NF1: variants seen among roughly 807,000 people sequenced by gnomAD.
NF1 encodes neurofibromin 1.
NF1 carries 122 observed loss-of-function variants against 325.7 expected under a neutral mutation model. The observed-to-expected ratio is 0.37, with a 90% CI of 0.32 to 0.44. The LOEUF is 0.44. NF1 is among the 20% of genes least tolerant of loss of function. The pLI is 1.00. For synonymous variants in NF1, 1,091 were observed against 1,186.0 expected (o/e 0.92, Z 1.65); for missense variants, 2,140 against 3,415.4 (o/e 0.63, Z 9.31).
chr17:31,181,824 T>TTTTAAA, intron 7 of NF1, 39 bp downstream of exon 7: 1 of 1,335,956 alleles, frequency 7.5e-7, no homozygotes, highest in Non-Finnish European at 1.1e-6. Flanking sequence ...TTTTGTCTTT[T>TTTTAAA]AAATGCCTAC....
rs17878625 is a variant in NF1 at position 31,332,485 on chromosome 17, A to AAATG, written c.5812+2003_5812+2006dup. 5.8e-3 allele frequency among the ~76,000 whole-genome samples: 876 copies of AAATG among 151,974 alleles called. 12 individuals carry two copies. The highest frequency in any genetic ancestry group is 0.02 in the African/African-American group (813 of 41,268). Reference sequence around the variant, plus strand: ...TCTCAAAATAAATAAATGAATGAATAAATGAATGAATGAATGAATAAAATC... The same window carrying AAATG: ...TCTCAAAATAAATAAATGAATGAATAAATGAATGAATGAATGAATGAATAAAATC... On this transcript the variant is annotated intron_variant, in intron 39 of 57. Coordinates refer to ENST00000358273, the MANE Select transcript of NF1 (RefSeq NM_001042492.3).
chr17:31,273,188 T>C (rs1374725313), intron 36 of NF1, among the ~76,000 whole-genome samples: 1 of 152,198 alleles, frequency 6.6e-6, no homozygotes, highest in Non-Finnish European at 1.5e-5. Flanking sequence ...TCTCATGACC[T>C]TTATTCCAAC....
At chr17:31,101,905 A>G (rs556159052) in intron 1 of NF1, among the ~76,000 whole-genome samples, 1 of 152,272 alleles carries the variant, frequency 6.6e-6, no homozygotes, top group East Asian at 1.9e-4. Context: ...ACTTTCTGAA[A>G]AGCAAAGAAC....
At chr17:31,103,226 T>G (rs1912522828) in intron 1 of NF1, among the ~76,000 whole-genome samples, 1 of 152,180 alleles carries the variant, frequency 6.6e-6, no homozygotes, top group African/African-American at 2.4e-5. Flanking sequence ...AATTAGATTC[T>G]TTTCTCAAAT....
chr17:31,202,171 T>A (rs1211457222), intron 11 of NF1, among the ~76,000 whole-genome samples: 3 of 152,208 alleles, frequency 2.0e-5, no homozygotes, highest in Non-Finnish European at 2.9e-5. Context: ...TTTTTAAAAT[T>A]CTGTTCTTGT....
intron 8 of NF1, among the ~76,000 whole-genome samples, chr17:31,184,570 A>C (rs530681984): frequency 5.4e-4 from 80 of 148,680 alleles, no homozygotes; most frequent in Non-Finnish European, 1.0e-3. Context: ...AATGGCGTGA[A>C]CCCCAGGGGG....
chr17:31,103,728 G>T (rs992279070), intron 1 of NF1, among the ~76,000 whole-genome samples: 1 of 152,050 alleles, frequency 6.6e-6, no homozygotes, highest in Non-Finnish European at 1.5e-5. Flanking sequence ...CAAGCTTTTT[G>T]GGGGGCTGAG....
chr17:31,215,914 A>T (rs2066812706), intron 13 of NF1, among the ~76,000 whole-genome samples: 1 of 152,216 alleles, frequency 6.6e-6, no homozygotes, highest in African/African-American at 2.4e-5. Context: ...ATGTGTATTT[A>T]TGAGTAATTT....
rs373693038 is a variant in NF1, at chr17:31,227,326, C to G, written c.2325+35C>G. 6 of 1,603,458 alleles carry G rather than the reference C, an allele frequency of 3.7e-6. No individual in the cohort carries two copies. In the East Asian group the frequency reaches 1.1e-4, roughly 30 times the overall value. ...TAGCAACAGAAACACCCCTCCCAGGCGCCCACCCTCAATTTGGAAGCCTCT... is the reference window on the plus strand; with the variant it reads ...TAGCAACAGAAACACCCCTCCCAGGGGCCCACCCTCAATTTGGAAGCCTCT... On this transcript the variant is annotated intron_variant, in intron 19 of 57. Coordinates refer to ENST00000358273, the MANE Select transcript of NF1 (RefSeq NM_001042492.3).
chr17:31,221,379 A>G (rs1265963305), intron 14 of NF1, among the ~76,000 whole-genome samples: 1 of 152,116 alleles, frequency 6.6e-6, no homozygotes. Context: ...ATTTTGAAAA[A>G]TAATTGCTCT....
At chr17:31,238,744 A>G (rs1253155169) in intron 29 of NF1, among the ~76,000 whole-genome samples, 2 of 152,052 alleles carry the variant, frequency 1.3e-5, no homozygotes, top group Non-Finnish European at 2.9e-5. Flanking sequence ...AAAAAAAAAA[A>G]AAAAGAAACT....
At chr17:31,130,805 G>A (rs1425698257) in intron 1 of NF1, among the ~76,000 whole-genome samples, 1 of 152,212 alleles carries the variant, frequency 6.6e-6, no homozygotes, top group Non-Finnish European at 1.5e-5. Flanking sequence ...CTGTGCACAC[G>A]TGTGGGCAAA....
In NF1 at chr17:31,199,827, A is replaced by G. The variant is rs1484820051; in HGVS notation, c.889-595A>G. ...TTAGACTTTAAATATCAAAAAGAAG[A>G]TATGGTCAGCTGAATTCAAAGTTGA... is the stretch of plus-strand genomic sequence containing the variant. On this transcript the variant is annotated intron_variant, in intron 8 of 57. Coordinates refer to ENST00000358273, the MANE Select transcript of NF1 (RefSeq NM_001042492.3). Among the ~76,000 whole-genome samples the G allele has an allele frequency of 3.3e-5, 5 of 152,228 alleles. No individual in the cohort carries two copies. The East Asian group carries it at 9.6e-4, about 29-fold the overall frequency.
At chr17:31,256,346 C>T (rs1172125945) in intron 31 of NF1, among the ~76,000 whole-genome samples, 5 of 152,136 alleles carry the variant, frequency 3.3e-5, no homozygotes, top group Non-Finnish European at 7.4e-5. Context: ...GCCATGTTGG[C>T]CAGGCTGGTT....
At chr17:31,120,684 G>A (rs555480245) in intron 1 of NF1, among the ~76,000 whole-genome samples, 11 of 151,786 alleles carry the variant, frequency 7.2e-5, no homozygotes, top group South Asian at 4.2e-4. Flanking sequence ...GTCTTGTGCC[G>A]GTTTTCAAAG....
intron 5 of NF1, among the ~76,000 whole-genome samples, chr17:31,176,223 C>T (rs555139858): frequency 3.2e-4 from 48 of 152,260 alleles, no homozygotes; most frequent in South Asian, 1.5e-3. Context: ...TTCTTACTGG[C>T]GTGAGATGGT....
At chr17:31,165,582 G>A (rs1028183734) in intron 4 of NF1, among the ~76,000 whole-genome samples, 1 of 152,160 alleles carries the variant, frequency 6.6e-6, no homozygotes, top group African/African-American at 2.4e-5. Context: ...TCATGAAGAT[G>A]TTTCGTGTTT....
intron 1 of NF1, among the ~76,000 whole-genome samples, chr17:31,123,194 G>A (rs1253518872): frequency 6.6e-6 from 1 of 152,176 alleles, no homozygotes; most frequent in East Asian, 1.9e-4. Flanking sequence ...TTTATAACAT[G>A]TATAGTTTGT....
chr17:31,232,347 G>T (rs2067127565), intron 25 of NF1, among the ~76,000 whole-genome samples, 158 bp downstream of exon 25: 1 of 151,898 alleles, frequency 6.6e-6, no homozygotes, highest in African/African-American at 2.4e-5. Context: ...GTGAAATTTT[G>T]CTTATAATAA....
Sources: gnomAD v4.1 joint callset for allele counts (sites outside exome capture counted in the v4.1 genomes callset) on GRCh38, gnomAD v4.1.1 for gene constraint, MANE v1.5 for transcripts, NCBI Gene and HGNC (gene_info 2026-07-23, HGNC 2026-07-21) for gene names.